The following FBXL17 variants were observed in gnomAD, a reference collection of about 807,000 sequenced individuals.
FBXL17 encodes the protein F-box and leucine rich repeat protein 17.
Under a neutral mutation model 66.2 loss-of-function variants are expected in FBXL17, and 22 were observed. The ratio of observed to expected loss-of-function variants is 0.33; its 90% confidence interval spans 0.24 to 0.47. FBXL17 has a LOEUF of 0.47. Ranked by LOEUF, FBXL17 falls within the 20% of genes least tolerant of loss-of-function variation. FBXL17 has a pLI of 1.00. For synonymous variants in FBXL17, 474 were observed against 400.5 expected (o/e 1.18, Z -2.19); for missense variants, 878 against 948.2 (o/e 0.93, Z 0.97).
At chr5:107,986,035 T>A (rs1288960056) in intron 7 of FBXL17, among the ~76,000 whole-genome samples, 1 of 152,128 alleles carries the variant, frequency 6.6e-6, no homozygotes, top group African/African-American at 2.4e-5. Flanking sequence ...TTAGAAAAGT[T>A]ATAATAATAT....
At chr5:108,255,988 A>G (rs569449889) in intron 4 of FBXL17, among the ~76,000 whole-genome samples, 44 of 152,312 alleles carry the variant, frequency 2.9e-4, no homozygotes, top group Admixed American at 1.1e-3. Flanking sequence ...AATAAAGCCA[A>G]TTCTGCAAAT....
At chr5:108,286,322 A>G (rs1025212540) in intron 4 of FBXL17, among the ~76,000 whole-genome samples, 1 of 151,902 alleles carries the variant, frequency 6.6e-6, no homozygotes, top group African/African-American at 2.4e-5. Flanking sequence ...AATGAAAGAC[A>G]ACCAAATAGA....
In FBXL17 at chr5:107,977,152, C is replaced by A. The variant is rs578149222; in HGVS notation, c.1822+43773G>T. On this transcript the variant is annotated intron_variant, in intron 7 of 8. Transcript: ENST00000542267. ...ACTAAGTTATTCATTGGAGATAACTCTTCCTGAGAGGGTTAACAAAGAACT... is the reference window on the plus strand; with the variant it reads ...ACTAAGTTATTCATTGGAGATAACTATTCCTGAGAGGGTTAACAAAGAACT... 1.2e-4 allele frequency among the ~76,000 whole-genome samples: 18 copies of A among 152,244 alleles called. No individual in the cohort carries two copies. The East Asian group carries it at 3.5e-3, about 29-fold the overall frequency.
chr5:108,153,607 C>T (rs965334794), intron 6 of FBXL17, among the ~76,000 whole-genome samples: 2 of 152,056 alleles, frequency 1.3e-5, no homozygotes, highest in African/African-American at 4.8e-5. Flanking sequence ...TAGGTGGTAA[C>T]CCCACAGTTC....
At chr5:108,323,798 T>G (rs879698224) in intron 4 of FBXL17, among the ~76,000 whole-genome samples, 2 of 151,990 alleles carry the variant, frequency 1.3e-5, no homozygotes, top group Non-Finnish European at 2.9e-5. Context: ...AAAAGTCAAA[T>G]TATTTCCTAC....
intron 3 of FBXL17, among the ~76,000 whole-genome samples, chr5:108,353,596 G>A (rs577645014): frequency 4.3e-4 from 66 of 152,298 alleles, no homozygotes; most frequent in African/African-American, 1.5e-3. Flanking sequence ...CTGTCCTCAG[G>A]AGGAACTGTT....
At chr5:108,346,458 T>C (rs1016721562) in intron 4 of FBXL17, among the ~76,000 whole-genome samples, 4 of 152,140 alleles carry the variant, frequency 2.6e-5, no homozygotes, top group Admixed American at 6.5e-5. Context: ...AGTTGCTTTC[T>C]TTGGGAAACC....
intron 7 of FBXL17, among the ~76,000 whole-genome samples, chr5:107,994,974 CG>C (rs1406168853): frequency 6.6e-6 from 1 of 152,128 alleles, no homozygotes; most frequent in African/African-American, 2.4e-5. Context: ...TGGTTACCCT[CG>C]GGGTAGGGTA....
chr5:108,372,337 GA>G (rs1224599036), intron 1 of FBXL17, among the ~76,000 whole-genome samples: 1 of 152,132 alleles, frequency 6.6e-6, no homozygotes, highest in Non-Finnish European at 1.5e-5. Context: ...GGCACAGAAG[GA>G]AAAGAGAGTG....
intron 6 of FBXL17, among the ~76,000 whole-genome samples, chr5:108,148,242 T>C (rs539076164): frequency 2.9e-4 from 43 of 148,176 alleles, no homozygotes; most frequent in Non-Finnish European, 5.1e-4. Context: ...ATAGTGAGTG[T>C]AATCATTAAA....
rs1754986239 is a variant in FBXL17 at position 108,224,034 on chromosome 5, T to A, written c.1614+87A>T. 7.2e-6 allele frequency: 4 copies of A among 552,274 alleles called. No homozygotes were observed. The South Asian group carries it at 1.4e-4, about 19-fold the overall frequency. 34.2% of individuals were successfully genotyped at this position (552,274 alleles called of 1,614,324 possible). On this transcript the variant is annotated intron_variant, in intron 5 of 8. Coordinates refer to ENST00000542267, the MANE Select transcript of FBXL17 (RefSeq NM_001163315.3). ...GTAGGCTTCTATAATGGTCTGACTG[T>A]CCCTTATTCAAGTAAATTAAACAAT...
chr5:108,267,924 T>C (rs1300330009), intron 4 of FBXL17, among the ~76,000 whole-genome samples: 1 of 152,124 alleles, frequency 6.6e-6, no homozygotes, highest in Admixed American at 6.5e-5. Context: ...TTCTAAATTT[T>C]ATTATTAATA....
intron 4 of FBXL17, among the ~76,000 whole-genome samples, chr5:108,250,400 T>G (rs1244641969): frequency 1.3e-5 from 2 of 152,158 alleles, no homozygotes; most frequent in Non-Finnish European, 2.9e-5. Flanking sequence ...TTTACATCAT[T>G]TTTTAAACTA....
chr5:107,933,333 T>C (rs1430920357), intron 7 of FBXL17, among the ~76,000 whole-genome samples: 1 of 152,170 alleles, frequency 6.6e-6, no homozygotes, highest in Non-Finnish European at 1.5e-5. Context: ...ACTCCACACA[T>C]TCGGTCTGGG....
intron 7 of FBXL17, among the ~76,000 whole-genome samples, chr5:107,950,936 T>C (rs1382592752): frequency 3.3e-5 from 5 of 152,192 alleles, no homozygotes; most frequent in Admixed American, 3.3e-4. Context: ...AATTTTCAAA[T>C]TATAATAGCA....
intron 8 of FBXL17, among the ~76,000 whole-genome samples, chr5:107,872,962 A>C (rs1748506179): frequency 6.6e-6 from 1 of 152,232 alleles, no homozygotes; most frequent in Non-Finnish European, 1.5e-5. Flanking sequence ...TGCTGCTGCC[A>C]AGAGATGGGG....
chr5:108,139,336 T>C (rs1390816374), intron 6 of FBXL17, among the ~76,000 whole-genome samples: 3 of 152,234 alleles, frequency 2.0e-5, no homozygotes, highest in African/African-American at 7.2e-5. Context: ...ATTCAGTCTA[T>C]TGTCATATAC....
rs192123668 is a variant in FBXL17 at position 108,038,010 on chromosome 5, A to C, written c.1746-17009T>G. On this transcript the variant is annotated intron_variant, in intron 6 of 8. Coordinates refer to ENST00000542267, the MANE Select transcript of FBXL17 (RefSeq NM_001163315.3). ...GCAGCAAAACATATGGAATGGCACC[A>C]TAAGAAGATGATTAGCTAAATACAG... Among the ~76,000 whole-genome samples, 460 of 152,324 alleles carry C rather than the reference A, an allele frequency of 3.0e-3. 2 individuals carry two copies. Among genetic ancestry groups the C allele is most frequent in the African/African-American group, 0.01 (430 of 41,594 alleles).
At chr5:108,244,490 A>G (rs1290436691) in intron 4 of FBXL17, among the ~76,000 whole-genome samples, 1 of 152,178 alleles carries the variant, frequency 6.6e-6, no homozygotes, top group East Asian at 1.9e-4. Flanking sequence ...TTCCTTCAGA[A>G]GACCTGCATG....
Sources: gnomAD v4.1 joint callset for allele counts (sites outside exome capture counted in the v4.1 genomes callset) on GRCh38, gnomAD v4.1.1 for gene constraint, MANE v1.5 for transcripts, NCBI Gene and HGNC (gene_info 2026-07-23, HGNC 2026-07-21) for gene names.